Variants in UNC79 observed in about 807,000 individuals in gnomAD.
The protein encoded by UNC79 is unc-79 subunit of NALCN channel complex.
A neutral mutation model predicts 283.1 loss-of-function variants in UNC79; 37 were observed. That is an observed-to-expected ratio of 0.13 (90% confidence interval 0.10 to 0.17). The LOEUF (loss-of-function observed/expected upper bound fraction) is 0.17, where lower values mean the gene tolerates loss of function less well. Ranked by LOEUF, UNC79 falls within the 10% of genes least tolerant of loss-of-function variation. The pLI, the probability that UNC79 is intolerant of heterozygous loss-of-function variation, is 1.00. For missense variants in UNC79, 2,272 were observed against 3,211.1 expected (o/e 0.71, Z 7.07); for synonymous variants, 1,107 against 1,200.2 (o/e 0.92, Z 1.61).
chr14:93,531,860 G>C lies in UNC79; in HGVS notation c.1094-690G>C, dbSNP rs968613422. Among the ~76,000 whole-genome samples the C allele has an allele frequency of 1.3e-5, 2 of 152,122 alleles. No individual in the cohort carries two copies. Among genetic ancestry groups the C allele is most frequent in the Non-Finnish European group, 2.9e-5 (2 of 68,034 alleles). ...CTTGAAGAATTTACCTAACCACAGT[G>C]GTTCTCAGTTTTGTCCTCTGTAAAA... On this transcript the variant is annotated intron_variant, in intron 10 of 48. Coordinates refer to ENST00000555664, the Ensembl canonical transcript of UNC79. The surrounding 1 kb of genome is among the most constrained non-coding windows in gnomAD (Gnocchi z 4.2).
intron 20 of UNC79, among the ~76,000 whole-genome samples, chr14:93,584,844 C>T (rs2064102549): frequency 6.6e-6 from 1 of 151,650 alleles, no homozygotes. Context: ...CTACAGGCAC[C>T]CACCACCACT....
chr14:93,446,717 A>C (rs1163587378), intron 1 of UNC79, among the ~76,000 whole-genome samples: 1 of 152,044 alleles, frequency 6.6e-6, no homozygotes, highest in Non-Finnish European at 1.5e-5. Context: ...TTTAATTTCC[A>C]AATATTTGGG....
In UNC79 at chr14:93,388,801, C is replaced by A. The variant is rs142827777; in HGVS notation, c.-351+55278C>A. Among the ~76,000 whole-genome samples the A allele has an allele frequency of 4.4e-3, 669 of 152,258 alleles. 4 individuals carry two copies. The highest frequency in any genetic ancestry group is 0.015 in the African/African-American group (620 of 41,548). Reference sequence around the variant, plus strand: ...TATTAAACTTCTTTCTGAGGAGGAACCTTGATCTTCTTCCTTTTTCCTTTG... The same window carrying A: ...TATTAAACTTCTTTCTGAGGAGGAAACTTGATCTTCTTCCTTTTTCCTTTG... On this transcript the variant is annotated intron_variant, in intron 1 of 49. Coordinates refer to the UNC79 transcript ENST00000256339.
chr14:93,702,963 A>C (rs1351503154), intron 47 of UNC79, among the ~76,000 whole-genome samples: 1 of 152,242 alleles, frequency 6.6e-6, no homozygotes, highest in South Asian at 2.1e-4. Flanking sequence ...TGTTTTGCTC[A>C]TGGTGAATAG....
At chr14:93,530,426 A>G (rs533744426) in intron 10 of UNC79, among the ~76,000 whole-genome samples, 1 of 148,864 alleles carries the variant, frequency 6.7e-6, no homozygotes, top group African/African-American at 2.5e-5. Flanking sequence ...CAAACAAACA[A>G]ACAAAAAATT....
intron 41 of UNC79, among the ~76,000 whole-genome samples, chr14:93,677,869 C>T (rs545236465): frequency 1.3e-5 from 2 of 152,284 alleles, no homozygotes; most frequent in South Asian, 2.1e-4. Context: ...AGGCTGGTCT[C>T]AAACTCCTGA....
chr14:93,614,409 T>G (rs548580171), intron 27 of UNC79, among the ~76,000 whole-genome samples: 9 of 152,072 alleles, frequency 5.9e-5, no homozygotes, highest in East Asian at 3.9e-4. Flanking sequence ...CTCCGCCTCC[T>G]GGGTTCAGGC....
chr14:93,467,918 A>G, intron 2 of UNC79, 127 bp downstream of exon 2: 3 of 1,193,026 alleles, frequency 2.5e-6, no homozygotes, highest in Non-Finnish European at 3.2e-6. Flanking sequence ...CTGTCAGAAG[A>G]GTCTGTGCTC....
At chr14:93,703,321 A>C (rs2075663400) in intron 47 of UNC79, among the ~76,000 whole-genome samples, 1 of 152,180 alleles carries the variant, frequency 6.6e-6, no homozygotes, top group Non-Finnish European at 1.5e-5. Context: ...GCTGAGATCA[A>C]GGTGTCGGCA....
intron 8 of UNC79, among the ~76,000 whole-genome samples, chr14:93,524,584 G>A (rs1229916835): frequency 6.6e-6 from 1 of 152,180 alleles, no homozygotes; most frequent in South Asian, 2.1e-4. Flanking sequence ...AAGGTTGCCA[G>A]TTAGCAACAA....
At chr14:93,379,722 G>A (rs2054629419) in intron 1 of UNC79, among the ~76,000 whole-genome samples, 1 of 148,226 alleles carries the variant, frequency 6.7e-6, no homozygotes, top group South Asian at 2.3e-4. Context: ...GGTGGGAGGG[G>A]GGTGAGGGAT....
chr14:93,485,311 A>G (rs12888273), intron 4 of UNC79, among the ~76,000 whole-genome samples: 46,111 of 150,578 alleles, frequency 0.31, 7,414 homozygotes, highest in East Asian at 0.65. Flanking sequence ...CTTTTTTTTA[A>G]CAAAGGGCAC....
At chr14:93,345,146 C>G (rs184826777) in intron 1 of UNC79, among the ~76,000 whole-genome samples, 1 of 152,232 alleles carries the variant, frequency 6.6e-6, no homozygotes, top group Admixed American at 6.5e-5. Flanking sequence ...TTCCATCATA[C>G]GAGGACACAA....
chr14:93,566,941 G>C (rs2062930020), intron 14 of UNC79, among the ~76,000 whole-genome samples: 1 of 152,054 alleles, frequency 6.6e-6, no homozygotes. Context: ...TAAAAGACAT[G>C]GTTAAACATG....
At chr14:93,697,344 C>T (rs2075210415) in intron 47 of UNC79, among the ~76,000 whole-genome samples, 1 of 152,096 alleles carries the variant, frequency 6.6e-6, no homozygotes, top group Admixed American at 6.5e-5. Context: ...CTATGTTGGC[C>T]AGGCTGGTCT....
chr14:93,620,235 A>G (rs1566791864), intron 29 of UNC79, among the ~76,000 whole-genome samples: 1 of 152,032 alleles, frequency 6.6e-6, no homozygotes. Context: ...AGGAAATGTT[A>G]TTTTCTGTTT....
intron 26 of UNC79, chr14:93,604,907 A>G: frequency 6.3e-7 from 1 of 1,583,468 alleles, no homozygotes; most frequent in East Asian, 2.2e-5. Flanking sequence ...TATGAGGTTG[A>G]CCAGGCATGA....
intron 17 of UNC79, among the ~76,000 whole-genome samples, chr14:93,576,676 G>A (rs1016422835): frequency 6.6e-5 from 10 of 152,170 alleles, no homozygotes; most frequent in African/African-American, 2.4e-4. Flanking sequence ...AGGAACAAGG[G>A]AAAGAGTTCC....
At chr14:93,673,216 A>C (rs1259927145) in intron 40 of UNC79, 135 bp from the exon 44 acceptor site, 4 of 687,620 alleles carry the variant, frequency 5.8e-6, no homozygotes, top group Non-Finnish European at 9.4e-6. Flanking sequence ...TTATTTCTTG[A>C]GGACACTTCA....
Sources: gnomAD v4.1 joint callset for allele counts (sites outside exome capture counted in the v4.1 genomes callset) on GRCh38, gnomAD v4.1.1 for gene constraint, Gnocchi (gnomAD v3.1) non-coding constraint, MANE v1.5 for transcripts, NCBI Gene and HGNC (gene_info 2026-07-23, HGNC 2026-07-21) for gene names.